DPP10: variants seen among roughly 807,000 people sequenced by gnomAD.
DPP10 encodes dipeptidyl peptidase like 10, also known as inactive dipeptidyl peptidase 10.
A neutral mutation model predicts 120.9 loss-of-function variants in DPP10; 33 were observed. The ratio of observed to expected loss-of-function variants is 0.27; its 90% CI spans 0.21 to 0.37. The LOEUF is 0.37. Ranked by LOEUF, DPP10 falls within the 10% of genes least tolerant of loss-of-function variation. DPP10 has a pLI of 1.00. For missense variants in DPP10, 816 were observed against 942.8 expected, an observed-to-expected ratio of 0.87 and a Z score of 1.76; for synonymous variants, 337 against 326.1, an observed-to-expected ratio of 1.03 and a Z score of -0.36.
intron 5 of DPP10, among the ~76,000 whole-genome samples, chr2:115,535,507 T>C (rs1258308663): frequency 1.5e-4 from 22 of 151,586 alleles, no homozygotes; most frequent in Admixed American, 1.3e-3. Flanking sequence ...GCTGTTTTGG[T>C]TACTGTAGCC....
chr2:114,788,629 G>A (rs1682976752), intron 1 of DPP10, among the ~76,000 whole-genome samples: 1 of 152,014 alleles, frequency 6.6e-6, no homozygotes, highest in Non-Finnish European at 1.5e-5. Context: ...ATGTTGGCCA[G>A]GAGAACATGT....
At chr2:114,801,644 C>T (rs557374983) in intron 1 of DPP10, among the ~76,000 whole-genome samples, 5 of 152,274 alleles carry the variant, frequency 3.3e-5, no homozygotes, top group African/African-American at 9.6e-5. Context: ...ATTAAGCTCT[C>T]GGATGTTAGT....
intron 1 of DPP10, among the ~76,000 whole-genome samples, chr2:115,047,617 G>A (rs558356853): frequency 2.3e-4 from 35 of 151,904 alleles, no homozygotes; most frequent in Admixed American, 6.6e-4. Context: ...TGTGAATTAC[G>A]CAAGCATTTT....
At chr2:115,286,526 A>ATATATATATATATTATAT (rs10675008) in intron 1 of DPP10, among the ~76,000 whole-genome samples, 1 of 60,946 alleles carries the variant, frequency 1.6e-5, no homozygotes, top group Non-Finnish European at 3.3e-5. Context: ...ATATATATAT[A>ATATATATATATATTATAT]ATATATATAT....
At chr2:114,469,548 C>A (rs1679727455) in intron 1 of DPP10, among the ~76,000 whole-genome samples, 1 of 151,942 alleles carries the variant, frequency 6.6e-6, no homozygotes, top group East Asian at 1.9e-4. Flanking sequence ...GCCAACATGG[C>A]AAAACCCCGT....
Position 115,023,303 on chromosome 2 carries a change from G to GAAAC in DPP10, c.61-285933_61-285930dup, listed in dbSNP as rs201881898. ...CAAAAAACTCAAATCATCAAGAAAA[G>GAAAC]AAACAATCCCATCTAAGAGTGGGCT... is the stretch of plus-strand genomic sequence containing the variant. On this transcript the variant is annotated intron_variant, in intron 1 of 25. Transcript: ENST00000410059. Among the ~76,000 whole-genome samples the GAAAC allele has an allele frequency of 5.6e-3, 848 of 151,218 alleles. 8 individuals are homozygous for GAAAC. Among genetic ancestry groups the GAAAC allele is most frequent in the African/African-American group, 0.019 (800 of 41,366 alleles).
intron 1 of DPP10, among the ~76,000 whole-genome samples, chr2:114,949,024 A>C (rs191351254): frequency 1.3e-5 from 2 of 151,904 alleles, no homozygotes; most frequent in East Asian, 1.9e-4. Flanking sequence ...TCCCGGGTTC[A>C]AGTGATTCTC....
At chr2:115,791,256 CA>C in intron 18 of DPP10, 30 bp from the exon 19 acceptor site, 1 of 1,604,282 alleles carries the variant, frequency 6.2e-7, no homozygotes, top group South Asian at 1.1e-5. Flanking sequence ...AATGACTCTC[CA>C]TCTTTAATAT....
intron 5 of DPP10, among the ~76,000 whole-genome samples, chr2:115,603,942 A>G (rs548499611): frequency 2.6e-5 from 4 of 152,292 alleles, no homozygotes; most frequent in African/African-American, 9.6e-5. Flanking sequence ...ACATCTTAAG[A>G]AAGACATACA....
At chr2:115,236,644 A>C (rs2058023298) in intron 1 of DPP10, among the ~76,000 whole-genome samples, 1 of 152,224 alleles carries the variant, frequency 6.6e-6, no homozygotes, top group Non-Finnish European at 1.5e-5. Flanking sequence ...TGAAGGTATC[A>C]AAATTAAAAC....
intron 1 of DPP10, among the ~76,000 whole-genome samples, chr2:114,961,318 T>A: frequency 6.6e-6 from 1 of 152,000 alleles, no homozygotes; most frequent in East Asian, 1.9e-4. Context: ...CCTCTCAAAG[T>A]GCTGAGATTA....
chr2:115,289,465 G>A (rs1395825916), intron 1 of DPP10, among the ~76,000 whole-genome samples: 2 of 56,922 alleles, frequency 3.5e-5, no homozygotes, highest in Non-Finnish European at 7.7e-5. Context: ...GAAAAAACAA[G>A]CCTAAAATTC....
intron 1 of DPP10, among the ~76,000 whole-genome samples, chr2:114,652,971 C>T (rs1696701013): frequency 6.6e-6 from 1 of 150,712 alleles, no homozygotes; most frequent in Non-Finnish European, 1.5e-5. Flanking sequence ...TGTTTTCCCT[C>T]TTTTCTCTCT....
intron 5 of DPP10, among the ~76,000 whole-genome samples, chr2:115,616,364 G>C (rs923114655): frequency 6.6e-6 from 1 of 151,878 alleles, no homozygotes; most frequent in African/African-American, 2.4e-5. Context: ...GGGTCACAGA[G>C]AATGAAGCCT....
chr2:115,328,203 G>A (rs911243897), intron 2 of DPP10, among the ~76,000 whole-genome samples: 10 of 152,014 alleles, frequency 6.6e-5, no homozygotes, highest in African/African-American at 2.4e-4. Context: ...CATCATTTCA[G>A]GGTGTATGTG....
At chr2:115,674,227 CA>C (rs1162169977) in intron 5 of DPP10, among the ~76,000 whole-genome samples, 1 of 147,710 alleles carries the variant, frequency 6.8e-6, no homozygotes, top group African/African-American at 2.5e-5. Context: ...CTCCATCTCA[CA>C]AAAAAATAAA....
At chr2:115,757,431 T>C (rs1679562839) in intron 11 of DPP10, among the ~76,000 whole-genome samples, 1 of 151,988 alleles carries the variant, frequency 6.6e-6, no homozygotes, top group Non-Finnish European at 1.5e-5. Flanking sequence ...AGTCACATCT[T>C]ATGTGGGTGG....
chr2:114,688,486 C>A (rs2105753008), intron 1 of DPP10, among the ~76,000 whole-genome samples: 2 of 151,986 alleles, frequency 1.3e-5, no homozygotes, highest in East Asian at 3.9e-4. Flanking sequence ...ACAAAACCAC[C>A]AAGCCTGTGT....
At chr2:115,321,515 G>GT (rs35046366) in intron 2 of DPP10, among the ~76,000 whole-genome samples, 30,631 of 121,518 alleles carry the variant, frequency 0.25, 5,301 homozygotes, top group African/African-American at 0.47. Flanking sequence ...TTTTTTTAGT[G>GT]TTTTTTTTTT....
Sources: allele counts gnomAD v4.1 joint callset (sites outside exome capture counted in the v4.1 genomes callset), GRCh38; gene constraint gnomAD v4.1.1; transcripts MANE v1.5; gene names NCBI Gene and HGNC (gene_info 2026-07-23, HGNC 2026-07-21).